Variants in KIAA1671 observed in about 807,000 individuals in gnomAD.
The protein encoded by KIAA1671 is uncharacterized protein KIAA1671.
In KIAA1671, 52 loss-of-function variants were observed where a neutral mutation model predicts 131.2. That is an observed-to-expected ratio of 0.40 (90% CI 0.32 to 0.50). KIAA1671 has a LOEUF of 0.50. Ranked by LOEUF, KIAA1671 falls within the 20% of genes least tolerant of loss-of-function variation. The pLI is 0.73. For missense variants in KIAA1671, 2,360 were observed against 2,364.2 expected (o/e 1.00, Z 0.04); for synonymous variants, 1,003 against 961.6 (o/e 1.04, Z -0.80).
chr22:25,191,145 C>CTTTT (rs142339652), intron 12 of KIAA1671, among the ~76,000 whole-genome samples: 10 of 129,070 alleles, frequency 7.7e-5, no homozygotes, highest in Non-Finnish European at 1.1e-4. Context: ...GAAATGGTTA[C>CTTTT]TTTTTTTTTT....
chr22:25,090,837 CTG>C (rs1929993688), intron 6 of KIAA1671, among the ~76,000 whole-genome samples: 1 of 152,232 alleles, frequency 6.6e-6, no homozygotes, highest in Non-Finnish European at 1.5e-5. Flanking sequence ...TTCTGTTCTA[CTG>C]TGTTTCTCTC....
intron 1 of KIAA1671, among the ~76,000 whole-genome samples, chr22:25,009,431 A>AAT (rs1924916560): frequency 6.7e-6 from 1 of 149,354 alleles, no homozygotes; most frequent in Non-Finnish European, 1.5e-5. Context: ...CACCCAGCTA[A>AAT]TTTTTGTATT....
intron 6 of KIAA1671, among the ~76,000 whole-genome samples, chr22:25,164,961 AGAG>A (rs143460445): frequency 0.13 from 8,189 of 61,050 alleles, 343 homozygotes; most frequent in African/African-American, 0.34. Flanking sequence ...AAAAAAAAAA[AGAG>A]AGAGAGTTGC....
chr22:25,057,113 C>T (rs1450634319), intron 6 of KIAA1671: 3 of 152,366 alleles, frequency 2.0e-5, no homozygotes, highest in Non-Finnish European at 4.4e-5. Flanking sequence ...AGATTCTGAA[C>T]CTGAGGCTCA....
At chr22:25,114,544 C>T (rs1931557707) in intron 6 of KIAA1671, among the ~76,000 whole-genome samples, 1 of 152,180 alleles carries the variant, frequency 6.6e-6, no homozygotes, top group African/African-American at 2.4e-5. Flanking sequence ...CTGCCGCTTC[C>T]CAGCTGTGTG....
intron 1 of KIAA1671, among the ~76,000 whole-genome samples, chr22:24,980,270 A>ATTTTTTTT (rs59392276): frequency 3.4e-5 from 4 of 119,236 alleles, no homozygotes; most frequent in African/African-American, 9.7e-5. Context: ...AGTTTCTTTG[A>ATTTTTTTT]TTTTTTTTTT....
rs1926056503 is a variant in KIAA1671, at chr22:25,028,164, G to A, written c.165G>A (p.Arg55=). The A allele has an allele frequency of 1.3e-6, 2 of 1,550,386 alleles. No individual in the cohort carries two copies. The highest frequency in any genetic ancestry group is 1.7e-6 in the Non-Finnish European group (2 of 1,146,354). ...ARILEAKSPL[R]SPARLLPLPR... ...TCTTGGAAGCGAAGAGCCCCCTGCG[G>A]AGCCCGGCCCGGTTACTCCCTCTGC... The change falls in exon 3 of 13, where the codon CGG becomes CGA. Residue 55 remains arginine, a synonymous_variant. Coordinates refer to ENST00000358431, the MANE Select transcript of KIAA1671 (RefSeq NM_001145206.2).
intron 6 of KIAA1671, among the ~76,000 whole-genome samples, chr22:25,169,482 C>T (rs533763847): frequency 2.0e-5 from 3 of 151,524 alleles, no homozygotes; most frequent in Admixed American, 1.3e-4. Flanking sequence ...CTCAGGCAGC[C>T]AAGGCCGTCT....
chr22:25,107,931 C>A (rs1431915977), intron 6 of KIAA1671, among the ~76,000 whole-genome samples: 1 of 152,050 alleles, frequency 6.6e-6, no homozygotes, highest in Non-Finnish European at 1.5e-5. Context: ...TCGCTTGAAC[C>A]CAGTGGGAAG....
At chr22:25,190,047 G>C (rs118105135) in intron 11 of KIAA1671, among the ~76,000 whole-genome samples, 6,718 of 152,124 alleles carry the variant, frequency 0.044, 198 homozygotes, top group Middle Eastern at 0.075. Context: ...GGTATAGGGG[G>C]GTGGTTTTGT....
In KIAA1671 at chr22:25,193,867, A is replaced by C. The variant is rs1934745481; in HGVS notation, c.*1466A>C. ...CCTTTTACACCTGGGAGCCTCATGC[A>C]TCTGGGTTTGGGAGTTTGGCCCTGC... On this transcript the variant is annotated 3_prime_UTR_variant, in exon 13 of 13. Transcript: ENST00000358431. 6.6e-6 allele frequency: 1 copy of C among 152,154 alleles called. No homozygotes were observed. Among genetic ancestry groups the C allele is most frequent in the African/African-American group, 2.4e-5 (1 of 41,434 alleles). The allele number at this position is 152,154 out of a possible 1,614,324, so 9.4% of individuals were successfully genotyped here. A position where few individuals can be genotyped will look rare whatever the true frequency, so the allele number is the denominator to read the frequency against.
At chr22:25,000,652 G>A (rs2123860650) in intron 1 of KIAA1671, among the ~76,000 whole-genome samples, 1 of 152,094 alleles carries the variant, frequency 6.6e-6, no homozygotes, top group East Asian at 1.9e-4. Context: ...AAGTAGCTGA[G>A]ATTACAGGTG....
chr22:25,087,530 ACGAGATCACGCCAC>A (rs1429193766), intron 6 of KIAA1671, among the ~76,000 whole-genome samples: 1 of 152,112 alleles, frequency 6.6e-6, no homozygotes, highest in African/African-American at 2.4e-5. Context: ...TTGCAGTGAG[ACGAGATCACGCCAC>A]TGCACTCCTG....
rs1164462701 is a variant in KIAA1671, at chr22:25,170,905, G to A, written c.4616G>A (p.Gly1539Glu). 3 of 1,551,596 alleles carry A rather than the reference G, an allele frequency of 1.9e-6. No homozygotes were observed. ...GTGCACGAAGCCGGCAGCCAGTATG[G>A]GACGTGGACAGAGCAGTGCCAGAGT... ...TLVHEAGSQY[G>E]TWTEQCQSGE... is the part of the protein sequence containing the mutation. The change falls in exon 7 of 13, where the codon GGG becomes GAG. Residue 1539 changes from glycine (G) to glutamate (E), a missense_variant. Gly to Glu is a moderately conservative substitution (Grantham distance 98, BLOSUM62 -2). Coordinates refer to ENST00000358431, the MANE Select transcript of KIAA1671 (RefSeq NM_001145206.2).
intron 6 of KIAA1671, among the ~76,000 whole-genome samples, chr22:25,086,848 GT>G (rs1929751482): frequency 6.6e-6 from 1 of 152,184 alleles, no homozygotes; most frequent in Non-Finnish European, 1.5e-5. Context: ...TCCTGACCAT[GT>G]TAGCAGTTCT....
chr22:25,180,604 T>C (rs1934232995), intron 9 of KIAA1671, among the ~76,000 whole-genome samples: 1 of 152,190 alleles, frequency 6.6e-6, no homozygotes, highest in Non-Finnish European at 1.5e-5. Context: ...GCCCACTCTA[T>C]GTAGACACAG....
intron 1 of KIAA1671, among the ~76,000 whole-genome samples, chr22:25,000,834 G>C (rs1195490543): frequency 6.7e-6 from 1 of 148,394 alleles, no homozygotes; most frequent in Admixed American, 6.7e-5. Flanking sequence ...TTTTTGAACA[G>C]AGACAGGTTC....
Position 25,179,545 on chromosome 22 carries a change from C to G in KIAA1671, c.5074+2023C>G, listed in dbSNP as rs1248852766. Reference sequence around the variant, plus strand: ...GCTCCACCAGCTGCTTCAGCACCTGCGCCTCCTGCGTTGGGAAGGGAACGG... The same window carrying G: ...GCTCCACCAGCTGCTTCAGCACCTGGGCCTCCTGCGTTGGGAAGGGAACGG... On this transcript the variant is annotated intron_variant, in intron 9 of 12. Transcript: ENST00000358431. 10 of 1,587,114 alleles carry G rather than the reference C, an allele frequency of 6.3e-6. No individual in the cohort carries two copies. In the South Asian group the frequency reaches 9.1e-5, roughly 14 times the overall value.
At chr22:25,029,563 CCTCT>C in intron 3 of KIAA1671, 23 bp downstream of exon 3, 1 of 1,471,086 alleles carries the variant, frequency 6.8e-7, no homozygotes, top group Middle Eastern at 1.8e-4. Flanking sequence ...ATCCCACACC[CCTCT>C]CTCAGCCGCC....
Sources: gnomAD v4.1 joint callset for allele counts (sites outside exome capture counted in the v4.1 genomes callset) on GRCh38, gnomAD v4.1.1 for gene constraint, MANE v1.5 for transcripts, NCBI Gene and HGNC (gene_info 2026-07-23, HGNC 2026-07-21) for gene names.